Variants in PLEKHM2 observed in about 807,000 individuals in gnomAD.
PLEKHM2 encodes the protein pleckstrin homology domain-containing family M member 2.
Under a neutral mutation model 116.3 loss-of-function variants are expected in PLEKHM2, and 77 were observed. The observed-to-expected ratio is 0.66, with a 90% CI of 0.55 to 0.80. The LOEUF is 0.80. PLEKHM2 is among the 30% of genes least tolerant of loss of function. PLEKHM2 has a pLI of 0.00. For synonymous variants in PLEKHM2, 562 were observed against 571.0 expected, an observed-to-expected ratio of 0.98 and a Z score of 0.22; for missense variants, 1,183 against 1,354.9, an observed-to-expected ratio of 0.87 and a Z score of 1.99.
intron 1 of PLEKHM2, among the ~76,000 whole-genome samples, chr1:15,712,459 A>G (rs866018770): frequency 5.3e-5 from 8 of 152,178 alleles, no homozygotes; most frequent in African/African-American, 1.9e-4. Flanking sequence ...GGCACTCACC[A>G]TACAGAAGCA....
chr1:15,695,298 A>G (rs765378820), intron 1 of PLEKHM2, among the ~76,000 whole-genome samples: 2 of 152,164 alleles, frequency 1.3e-5, no homozygotes, highest in Non-Finnish European at 2.9e-5. Flanking sequence ...AGGGTAATCA[A>G]CCTTCATTGT....
Position 15,732,708 on chromosome 1 carries a change from G to C in PLEKHM2, c.2902G>C (p.Gly968Arg), listed in dbSNP as rs908837781. The C allele has an allele frequency of 1.2e-6, 2 of 1,608,670 alleles. No individual in the cohort carries two copies. Among genetic ancestry groups the C allele is most frequent in the East Asian group, 2.2e-5 (1 of 44,770 alleles). Residue 968 changes from glycine to arginine, a missense_variant, in exon 19 of 20, where the codon GGG (glycine) becomes CGG (arginine). Gly to Arg is a moderately radical substitution (Grantham distance 125). Around this residue, in one of 3 missense-constraint regions of PLEKHM2, gnomAD observed 594 missense variants for 720.1 expected, o/e 0.82. Coordinates refer to ENST00000375799, the MANE Select transcript of PLEKHM2 (RefSeq NM_015164.4). Reference sequence around the variant, plus strand: ...CCGATTGCTGTCTGCACTGAACTCTGGGTGGAAAACCATCTATCAGGTACC... The same window carrying C: ...CCGATTGCTGTCTGCACTGAACTCTCGGTGGAAAACCATCTATCAGGTACC... Reference protein sequence around the residue: ...LDRLLSALNSGWKTIYQVDLP... With the variant: ...LDRLLSALNSRWKTIYQVDLP...
At chr1:15,709,526 T>C (rs1641286471) in intron 1 of PLEKHM2, among the ~76,000 whole-genome samples, 2 of 152,160 alleles carry the variant, frequency 1.3e-5, no homozygotes, top group South Asian at 2.1e-4. Context: ...CAGGTCTAAA[T>C]AGTCGTTTTA....
chr1:15,682,541 G>T (rs1394452472), upstream of PLEKHM2, among the ~76,000 whole-genome samples: 2 of 151,442 alleles, frequency 1.3e-5, no homozygotes, highest in African/African-American at 4.9e-5. Context: ...ATCGCTTAAA[G>T]CTGGGAAGCG....
Position 15,732,788 on chromosome 1 carries a change from C to G in PLEKHM2, c.2922+60C>G, listed in dbSNP as rs199844957. 4.9e-4 allele frequency: 559 copies of G among 1,148,132 alleles called. 1 individual carries two copies. Among genetic ancestry groups the G allele is most frequent in the Non-Finnish European group, 6.2e-4 (495 of 793,464 alleles). The allele number at this position is 1,148,132 out of a possible 1,614,324, so 71.1% of individuals were successfully genotyped here. ...ACCCTGTGGAGTGGGAGCCACTCCC[C>G]GGGGAGAGGAACCCCTGCTGCTCCC... On this transcript the variant is annotated intron_variant, in intron 19 of 19. Transcript: ENST00000375799.
At chr1:15,698,541 C>CTTTTTTTTTTTTTTTTTTTTTTTTTT (rs1249746368) in intron 1 of PLEKHM2, among the ~76,000 whole-genome samples, 1 of 139,034 alleles carries the variant, frequency 7.2e-6, no homozygotes, top group African/African-American at 2.9e-5. Flanking sequence ...TTCTTTCTTT[C>CTTTTTTTTTTTTTTTTTTTTTTTTTT]TTTCTTTCTT....
At position 15,727,440 on chromosome 1, in the gene PLEKHM2, G is replaced by A; in HGVS notation, c.1368G>A (p.Glu456=). The A allele has an allele frequency of 6.2e-7, 1 of 1,606,162 alleles. No homozygotes were observed. Among genetic ancestry groups the A allele is most frequent in the Non-Finnish European group, 8.5e-7 (1 of 1,177,038 alleles). The change falls in exon 9 of 20, where the codon GAG becomes GAA. Residue 456 remains glutamate (E), a synonymous_variant. Transcript: ENST00000375799. This position sits in a 1 kb window ranked among gnomAD's most constrained non-coding sequence, Gnocchi z 7.5. ...PERPPLCDFS[E]GLSAPMDFYR... ...GGCCGCCGCTTTGCGACTTTAGTGA[G>A]GGGCTTTCAGCCCCAATGGACTTCT...
rs1454606797 is a variant in PLEKHM2, at chr1:15,734,167, C to T, written c.*233C>T. The T allele has an allele frequency of 5.4e-6, 3 of 558,104 alleles. No homozygotes were observed. Among genetic ancestry groups the T allele is most frequent in the African/African-American group, 1.9e-5 (1 of 52,162 alleles). The allele number at this position is 558,104 out of a possible 1,614,324, so 34.6% of individuals were successfully genotyped here. On this transcript the variant is annotated 3_prime_UTR_variant, in exon 20 of 20. Coordinates refer to ENST00000375799, the MANE Select transcript of PLEKHM2 (RefSeq NM_015164.4). ...GGTAGCGAATGGAGGTCGCTGGGGG[C>T]AGAGGGTCCGAGCCCTGTGGGCTCT...
In PLEKHM2 at chr1:15,703,793, G is replaced by A. The variant is rs538970428; in HGVS notation, c.61-12444G>A. Among the ~76,000 whole-genome samples, 4 of 152,284 alleles carry A rather than the reference G, an allele frequency of 2.6e-5. No homozygotes were observed. The South Asian group carries it at 8.3e-4, about 32-fold the overall frequency. On this transcript the variant is annotated intron_variant, in intron 1 of 19. Transcript: ENST00000375799. ...AGTGTACCACCCACACTTCCCCGAA[G>A]CAGTCTTGTGACGCCCAGCCTTCCC...
At position 15,727,245 on chromosome 1, in the gene PLEKHM2, G is replaced by C. The variant is rs376636032; in HGVS notation, c.1173G>C (p.Pro391=). Residue 391 remains proline (P), a synonymous_variant, in exon 9 of 20, where the codon CCG becomes CCC. Coordinates refer to ENST00000375799, the MANE Select transcript of PLEKHM2 (RefSeq NM_015164.4). The surrounding 1 kb of genome is among the most constrained non-coding windows in gnomAD (Gnocchi z 7.5). ...CGGAGAGCAGCGAGCGCTCCGAGCCGGGCCTGCTGATCCCTGAGATGAAGG... is the reference window on the plus strand; with the variant it reads ...CGGAGAGCAGCGAGCGCTCCGAGCCCGGCCTGCTGATCCCTGAGATGAAGG... The part of the protein sequence containing the change: ...STTESSERSE[P]GLLIPEMKDT... The C allele has an allele frequency of 6.9e-6, 11 of 1,604,356 alleles. No homozygotes were observed. The highest frequency in any genetic ancestry group is 9.3e-6 in the Non-Finnish European group (11 of 1,176,610).
At position 15,725,529 on chromosome 1, in the gene PLEKHM2, G is replaced by A. The variant is rs780829198; in HGVS notation, c.925G>A (p.Glu309Lys). ...CCTGGACCCGCCGGATGCCTGCACG[G>A]AGCTCGAGGTCATCAGGTCAGCAGG... ...QALDPPDACT[E>K]LEVIRVTKKK... The change falls in exon 8 of 20, where the codon GAG becomes AAG. Residue 309 changes from glutamate (E) to lysine (K), a missense_variant. Transcript: ENST00000375799. 52 of 1,566,616 alleles carry A rather than the reference G, an allele frequency of 3.3e-5. 1 individual carries two copies. The South Asian group carries it at 6.1e-4, about 18-fold the overall frequency.
chr1:15,698,543 TTCTTTC>T lies in PLEKHM2; in HGVS notation c.60+13927_60+13932del, dbSNP rs1306163839. 1.7e-3 allele frequency among the ~76,000 whole-genome samples: 202 copies of T among 118,078 alleles called. 2 individuals are homozygous for T. The highest frequency in any genetic ancestry group is 8.2e-3 in the African/African-American group (196 of 23,938). 77.5% of individuals were successfully genotyped at this position (118,078 alleles called of 152,430 possible). A position where few individuals can be genotyped will look rare whatever the true frequency, so the allele number is the denominator to read the frequency against. ...TTTTTCTTTCTTTTTCTTTCTTTCT[TTCTTTC>T]TTTTTTTTTTTTTTTTTTGACATAG... On this transcript the variant is annotated intron_variant, in intron 1 of 19. Transcript: ENST00000375799.
In PLEKHM2 at chr1:15,731,196, G is replaced by T; in HGVS notation, c.2404G>T (p.Gly802Trp). Residue 802 changes from glycine (G) to tryptophan (W), a missense_variant, in exon 16 of 20, where the codon GGG becomes TGG. Around this residue, in one of 3 missense-constraint regions of PLEKHM2, gnomAD observed 594 missense variants for 720.1 expected, o/e 0.82. Transcript: ENST00000375799. ...CCCTGTGTTGTGCCCCTGCAGCAAC[G>T]GGATCCTCTACCAGTACCCGGACCG... is the stretch of plus-strand genomic sequence containing the variant. ...WKTCFVVLSN[G>W]ILYQYPDRTD... 3 of 1,595,940 alleles carry T rather than the reference G, an allele frequency of 1.9e-6. 1 individual carries two copies. In the South Asian group the frequency reaches 3.4e-5, roughly 18 times the overall value.
chr1:15,716,201 C>T, intron 1 of PLEKHM2, 36 bp from the exon 2 acceptor site: 2 of 1,266,714 alleles, frequency 1.6e-6, no homozygotes, highest in Non-Finnish European at 1.1e-6. Context: ...TCCTCTTAAT[C>T]CATTTCTGAT....
intron 1 of PLEKHM2, among the ~76,000 whole-genome samples, chr1:15,688,744 T>C (rs1571015829): frequency 6.6e-6 from 1 of 152,162 alleles, no homozygotes; most frequent in African/African-American, 2.4e-5. Flanking sequence ...TCCCAGATGC[T>C]GCCAGTAAAG....
intron 1 of PLEKHM2, among the ~76,000 whole-genome samples, chr1:15,705,860 GGT>G (rs1330006715): frequency 6.6e-6 from 1 of 152,144 alleles, no homozygotes; most frequent in African/African-American, 2.4e-5. Flanking sequence ...GGGAGGCCGA[GGT>G]GGGTGGATTG....
At chr1:15,716,679 C>A (rs1335552061) in intron 2 of PLEKHM2, 28 bp from the exon 3 acceptor site, 12 of 1,552,664 alleles carry the variant, frequency 7.7e-6, no homozygotes, top group South Asian at 2.4e-5. Context: ...CCATGCAGGT[C>A]ACAGCAGCTC....
chr1:15,724,273 A>C (rs2068031947), intron 7 of PLEKHM2, among the ~76,000 whole-genome samples: 1 of 152,200 alleles, frequency 6.6e-6, no homozygotes. Flanking sequence ...TCACGAGGTC[A>C]GGAGATCGAG....
intron 1 of PLEKHM2, 76 bp downstream of exon 1, chr1:15,684,694 G>A: frequency 2.0e-6 from 1 of 512,106 alleles, no homozygotes; most frequent in Non-Finnish European, 2.5e-6. Context: ...GCTCTCCCGG[G>A]CCGGGGCCCC....
Sources: gnomAD v4.1 joint callset for allele counts (sites outside exome capture counted in the v4.1 genomes callset) on GRCh38, gnomAD v4.1.1 for gene constraint, gnomAD v4.1.1 regional missense constraint, Gnocchi (gnomAD v3.1) non-coding constraint, MANE v1.5 for transcripts, NCBI Gene and HGNC (gene_info 2026-07-23, HGNC 2026-07-21) for gene names.